Variants in PTPRD observed in about 807,000 individuals in gnomAD.
PTPRD encodes the protein receptor-type tyrosine-protein phosphatase delta.
A neutral mutation model predicts 214.5 loss-of-function variants in PTPRD; 34 were observed. The observed-to-expected ratio is 0.16, with a 90% CI of 0.12 to 0.21. The LOEUF is 0.21. Ranked by LOEUF, PTPRD falls within the 10% of genes least tolerant of loss-of-function variation. The pLI, the probability that PTPRD is intolerant of heterozygous loss-of-function variation, is 1.00. For missense variants in PTPRD, 2,545 were observed against 2,398.7 expected (o/e 1.06, Z -1.27); for synonymous variants, 1,128 against 845.7 (o/e 1.33, Z -5.79).
intron 7 of PTPRD, among the ~76,000 whole-genome samples, chr9:9,670,552 G>T (rs1273577800): frequency 6.6e-6 from 1 of 152,184 alleles, no homozygotes; most frequent in Non-Finnish European, 1.5e-5. Flanking sequence ...GGTCTTCATG[G>T]CAGCCCCTCC....
chr9:9,429,673 T>C (rs142497908), intron 8 of PTPRD, among the ~76,000 whole-genome samples: 1 of 152,054 alleles, frequency 6.6e-6, no homozygotes, highest in African/African-American at 2.4e-5. Flanking sequence ...GCAAACCGAA[T>C]CCAGCAGCAC....
At chr9:8,502,628 T>C (rs765255209) in intron 23 of PTPRD, among the ~76,000 whole-genome samples, 5 of 152,100 alleles carry the variant, frequency 3.3e-5, no homozygotes, top group Non-Finnish European at 5.9e-5. Context: ...TTTACATGCA[T>C]TATCATTATT....
intron 9 of PTPRD, among the ~76,000 whole-genome samples, chr9:9,291,888 GTATA>G (rs141504829): frequency 5.6e-5 from 8 of 143,320 alleles, no homozygotes; most frequent in Admixed American, 2.1e-4. Flanking sequence ...TGTGTGTATG[GTATA>G]TATATATATA....
At chr9:9,192,629 GT>G (rs2099935938) in intron 9 of PTPRD, among the ~76,000 whole-genome samples, 1 of 152,048 alleles carries the variant, frequency 6.6e-6, no homozygotes, top group Non-Finnish European at 1.5e-5. Flanking sequence ...CAAATAGAGA[GT>G]CCATTAAATG....
chr9:10,287,928 A>T (rs1383963169), intron 3 of PTPRD, among the ~76,000 whole-genome samples: 3 of 152,048 alleles, frequency 2.0e-5, no homozygotes, highest in African/African-American at 7.2e-5. Flanking sequence ...TCCAACCCCT[A>T]ATTTTTATTT....
chr9:8,573,780 T>C (rs1384317743), intron 14 of PTPRD, among the ~76,000 whole-genome samples: 1 of 151,972 alleles, frequency 6.6e-6, no homozygotes, highest in Admixed American at 6.6e-5. Flanking sequence ...TAATTCTGCA[T>C]TTTTACCTAT....
chr9:9,885,318 T>G (rs1238084196), intron 5 of PTPRD, among the ~76,000 whole-genome samples: 1 of 152,106 alleles, frequency 6.6e-6, no homozygotes, highest in Non-Finnish European at 1.5e-5. Flanking sequence ...CAACGTGAGA[T>G]AAATTCCTTT....
At chr9:8,809,135 C>T (rs961306641) in intron 11 of PTPRD, among the ~76,000 whole-genome samples, 2 of 152,058 alleles carry the variant, frequency 1.3e-5, no homozygotes, top group South Asian at 2.1e-4. Context: ...CTGCTTGGTG[C>T]CCATTCCAGC....
In PTPRD at chr9:10,092,363, T is replaced by C. The variant is rs114147503; in HGVS notation, c.-544-58573A>G. On this transcript the variant is annotated intron_variant, in intron 3 of 45. Transcript: ENST00000381196. ...TGATAATGCCTAACTTGACAGAACATTGTAGACCAATCCATTAATTATACA... is the reference window on the plus strand; with the variant it reads ...TGATAATGCCTAACTTGACAGAACACTGTAGACCAATCCATTAATTATACA... Among the ~76,000 whole-genome samples the C allele has an allele frequency of 1.1e-3, 165 of 151,512 alleles. 1 individual carries two copies. Among genetic ancestry groups the C allele is most frequent in the African/African-American group, 3.8e-3 (157 of 41,434 alleles).
At chr9:9,643,246 T>C (rs1469647473) in intron 7 of PTPRD, among the ~76,000 whole-genome samples, 2 of 152,178 alleles carry the variant, frequency 1.3e-5, no homozygotes, top group African/African-American at 2.4e-5. Context: ...AGGGACATCA[T>C]ACAATGAGGC....
intron 10 of PTPRD, among the ~76,000 whole-genome samples, chr9:9,077,674 C>T (rs2099753252): frequency 1.3e-5 from 2 of 151,952 alleles, no homozygotes; most frequent in African/African-American, 2.4e-5. Flanking sequence ...ATTGGGAGAG[C>T]CTTGTGAAAT....
intron 7 of PTPRD, among the ~76,000 whole-genome samples, chr9:9,674,868 G>C (rs1182431412): frequency 6.6e-6 from 1 of 151,796 alleles, no homozygotes; most frequent in African/African-American, 2.4e-5. Context: ...GGATTGTGAA[G>C]TTAATCACAA....
chr9:8,674,180 G>C (rs1402050951), intron 12 of PTPRD, among the ~76,000 whole-genome samples: 1 of 152,052 alleles, frequency 6.6e-6, no homozygotes, highest in Non-Finnish European at 1.5e-5. Context: ...CATTTAAAAA[G>C]CCTGAAGTTT....
chr9:10,286,760 G>A (rs980258032), intron 3 of PTPRD, among the ~76,000 whole-genome samples: 2 of 152,008 alleles, frequency 1.3e-5, no homozygotes, highest in East Asian at 1.9e-4. Flanking sequence ...GACCAAGCCC[G>A]ACTAATTTTT....
intron 11 of PTPRD, among the ~76,000 whole-genome samples, chr9:8,880,657 A>G (rs1313357236): frequency 6.6e-6 from 1 of 152,064 alleles, no homozygotes; most frequent in Non-Finnish European, 1.5e-5. Flanking sequence ...GTTATTCCTC[A>G]TCTTAGAGCA....
intron 11 of PTPRD, among the ~76,000 whole-genome samples, chr9:8,853,954 T>A (rs532990707): frequency 6.6e-6 from 1 of 152,254 alleles, no homozygotes; most frequent in South Asian, 2.1e-4. Context: ...TTGGTTTAAA[T>A]CACATGTAAC....
chr9:8,891,628 GC>G (rs2098540943), intron 11 of PTPRD, among the ~76,000 whole-genome samples: 1 of 152,056 alleles, frequency 6.6e-6, no homozygotes, highest in African/African-American at 2.4e-5. Flanking sequence ...CCACACAATG[GC>G]CTGAATTCTT....
intron 7 of PTPRD, among the ~76,000 whole-genome samples, chr9:9,698,900 C>A (rs1041997913): frequency 6.6e-6 from 1 of 152,244 alleles, no homozygotes. Flanking sequence ...TTCTCTGTAG[C>A]CTCAGATGCT....
intron 5 of PTPRD, among the ~76,000 whole-genome samples, chr9:9,791,747 T>A (rs2098968949): frequency 6.6e-6 from 1 of 152,132 alleles, no homozygotes; most frequent in African/African-American, 2.4e-5. Flanking sequence ...ATATTGAGAC[T>A]TTTTTTGATT....
Sources: allele counts gnomAD v4.1 joint callset (sites outside exome capture counted in the v4.1 genomes callset), GRCh38; gene constraint gnomAD v4.1.1; transcripts MANE v1.5; gene names NCBI Gene and HGNC (gene_info 2026-07-23, HGNC 2026-07-21).